Variants in CNTNAP2 observed in about 807,000 individuals in gnomAD.
CNTNAP2 encodes the protein contactin associated protein 2, also known as contactin-associated protein-like 2.
Under a neutral mutation model 155.2 loss-of-function variants are expected in CNTNAP2, and 98 were observed. The observed-to-expected ratio is 0.63, with a 90% CI of 0.54 to 0.75. The LOEUF is 0.75. Among genes scored for constraint, CNTNAP2 ranks in the 30% least tolerant of loss-of-function variants. The probability of loss-of-function intolerance (pLI) is 0.00; values close to 1 mark genes in which losing one functional copy is unlikely to be tolerated. For synonymous variants in CNTNAP2, 651 were observed against 631.2 expected (o/e 1.03, Z -0.47); for missense variants, 1,727 against 1,688.1 (o/e 1.02, Z -0.40).
At position 147,770,467 on chromosome 7, in the gene CNTNAP2, G is replaced by A. The variant is rs147462625; in HGVS notation, c.2098+131161G>A. Among the ~76,000 whole-genome samples the A allele has an allele frequency of 1.3e-3, 200 of 152,234 alleles. 1 individual carries two copies. The highest frequency in any genetic ancestry group is 3.9e-3 in the African/African-American group (160 of 41,540). Reference sequence around the variant, plus strand: ...AAGTCATTATAGAATTAAAATATGCGCTAATGGCGATAAAGAGTAGAATGG... The same window carrying A: ...AAGTCATTATAGAATTAAAATATGCACTAATGGCGATAAAGAGTAGAATGG... On this transcript the variant is annotated intron_variant, in intron 13 of 23. Transcript: ENST00000361727.
intron 13 of CNTNAP2, among the ~76,000 whole-genome samples, chr7:147,864,322 T>C (rs1799188715): frequency 6.6e-6 from 1 of 152,208 alleles, no homozygotes; most frequent in African/African-American, 2.4e-5. Context: ...GCTGTTTTGG[T>C]TACTGTAGCC....
At chr7:146,655,211 A>T (rs1799975581) in intron 1 of CNTNAP2, among the ~76,000 whole-genome samples, 1 of 151,824 alleles carries the variant, frequency 6.6e-6, no homozygotes, top group African/African-American at 2.4e-5. Flanking sequence ...TCAGGAGTTC[A>T]AGACCAGCCC....
intron 1 of CNTNAP2, among the ~76,000 whole-genome samples, chr7:146,643,769 G>C (rs1304565025): frequency 5.3e-5 from 8 of 152,120 alleles, no homozygotes; most frequent in African/African-American, 1.2e-4. Context: ...CCATTTTCAT[G>C]ATATTGATTC....
At chr7:146,250,729 G>T (rs892090044) in intron 1 of CNTNAP2, among the ~76,000 whole-genome samples, 10 of 152,152 alleles carry the variant, frequency 6.6e-5, no homozygotes, top group African/African-American at 2.4e-4. Flanking sequence ...TGTGGATGAG[G>T]TTATGTGTAG....
chr7:146,737,399 T>A (rs1214865632), intron 1 of CNTNAP2, among the ~76,000 whole-genome samples: 2 of 152,228 alleles, frequency 1.3e-5, no homozygotes, highest in African/African-American at 4.8e-5. Flanking sequence ...TGAAATTTTG[T>A]ATCCTTTAAT....
At chr7:146,208,522 GGA>G (rs1467669488) in intron 1 of CNTNAP2, 1 of 151,360 alleles carries the variant, frequency 6.6e-6, no homozygotes, top group Non-Finnish European at 1.5e-5. Flanking sequence ...AAGTATTACT[GGA>G]AGGAAAAAAA....
chr7:148,395,145 T>G (rs1031142484), intron 22 of CNTNAP2, among the ~76,000 whole-genome samples: 2 of 100,746 alleles, frequency 2.0e-5, no homozygotes, highest in African/African-American at 6.7e-5. Context: ...GATTAGATTA[T>G]GTGGCTTTTT....
chr7:147,325,466 G>A (rs1795437122), intron 9 of CNTNAP2, among the ~76,000 whole-genome samples: 1 of 152,118 alleles, frequency 6.6e-6, no homozygotes, highest in Non-Finnish European at 1.5e-5. Flanking sequence ...TTCTGAAGAG[G>A]TGAAAGAATA....
intron 1 of CNTNAP2, among the ~76,000 whole-genome samples, chr7:146,656,325 C>A (rs995057050): frequency 5.9e-5 from 9 of 152,150 alleles, no homozygotes; most frequent in Admixed American, 1.3e-4. Flanking sequence ...CATTACTATT[C>A]ATTTCATCTT....
Position 147,988,593 on chromosome 7 carries a change from T to TA in CNTNAP2, c.2383+10613dup, listed in dbSNP as rs202207596. Among the ~76,000 whole-genome samples the TA allele has an allele frequency of 9.7e-4, 144 of 149,140 alleles. No homozygotes were observed. In the East Asian group the frequency reaches 0.023, roughly 24 times the overall value. On this transcript the variant is annotated intron_variant, in intron 15 of 23. Coordinates refer to ENST00000361727, the MANE Select transcript of CNTNAP2 (RefSeq NM_014141.6). ...CTTAGATAGGAATTTGGGCAAGACTTAAAAAAAAACAATCAGAGTTTAGTC... is the reference window on the plus strand; with the variant it reads ...CTTAGATAGGAATTTGGGCAAGACTTAAAAAAAAAACAATCAGAGTTTAGTC...
At chr7:147,535,222 G>A (rs867976720) in intron 11 of CNTNAP2, among the ~76,000 whole-genome samples, 64 of 152,096 alleles carry the variant, frequency 4.2e-4, no homozygotes, top group African/African-American at 1.4e-3. Flanking sequence ...GTGAAACCCC[G>A]TCTCTACTAA....
At chr7:146,658,443 A>T (rs925026758) in intron 1 of CNTNAP2, among the ~76,000 whole-genome samples, 12 of 152,084 alleles carry the variant, frequency 7.9e-5, no homozygotes, top group Admixed American at 7.9e-4. Flanking sequence ...GCTAAAAGGA[A>T]TATTCATCCT....
At chr7:146,895,286 T>A (rs1019357030) in intron 3 of CNTNAP2, among the ~76,000 whole-genome samples, 39 of 150,406 alleles carry the variant, frequency 2.6e-4, no homozygotes, top group African/African-American at 9.0e-4. Context: ...CCTTCCTTCC[T>A]TCCTTCCCTC....
chr7:148,187,557 G>T (rs1795139747), intron 18 of CNTNAP2, among the ~76,000 whole-genome samples: 2 of 152,154 alleles, frequency 1.3e-5, no homozygotes, highest in African/African-American at 4.8e-5. Flanking sequence ...ACAAAACATG[G>T]AAACAATTTT....
intron 8 of CNTNAP2, among the ~76,000 whole-genome samples, chr7:147,241,644 A>G (rs1174127048): frequency 1.3e-5 from 2 of 151,722 alleles, no homozygotes; most frequent in African/African-American, 2.4e-5. Context: ...AGGAAAAAAA[A>G]AAAAAAAAAA....
intron 16 of CNTNAP2, among the ~76,000 whole-genome samples, chr7:148,124,783 T>C (rs1414944583): frequency 1.3e-5 from 2 of 152,130 alleles, no homozygotes; most frequent in Non-Finnish European, 2.9e-5. Flanking sequence ...ATTTAATCGT[T>C]AAAATAAGTA....
At chr7:146,216,891 A>T (rs1327801176) in intron 1 of CNTNAP2, among the ~76,000 whole-genome samples, 2 of 152,220 alleles carry the variant, frequency 1.3e-5, no homozygotes, top group Admixed American at 1.3e-4. Flanking sequence ...GTGATGAGTC[A>T]TCCATAAAAC....
intron 14 of CNTNAP2, among the ~76,000 whole-genome samples, chr7:147,977,288 G>A (rs918634456): frequency 6.6e-6 from 1 of 152,178 alleles, no homozygotes; most frequent in African/African-American, 2.4e-5. Context: ...CTCAAATCTC[G>A]GCTCCACTCT....
chr7:147,017,383 A>G (rs1798743644), intron 3 of CNTNAP2, among the ~76,000 whole-genome samples: 1 of 151,932 alleles, frequency 6.6e-6, no homozygotes, highest in African/African-American at 2.4e-5. Flanking sequence ...TTACTTTAGT[A>G]GGATTTCTCT....
Sources: allele counts gnomAD v4.1 joint callset (sites outside exome capture counted in the v4.1 genomes callset), GRCh38; gene constraint gnomAD v4.1.1; transcripts MANE v1.5; gene names NCBI Gene and HGNC (gene_info 2026-07-23, HGNC 2026-07-21).